Variants in CTNNBL1 observed in about 807,000 individuals in gnomAD.
CTNNBL1 encodes the protein beta-catenin-like protein 1.
CTNNBL1 carries 31 observed loss-of-function variants against 72.7 expected under a neutral mutation model. That is an observed-to-expected ratio of 0.43 (90% CI 0.32 to 0.58). The LOEUF (loss-of-function observed/expected upper bound fraction) is 0.58. Ranked by LOEUF, CTNNBL1 falls within the 20% of genes least tolerant of loss-of-function variation. The pLI, the probability that CTNNBL1 is intolerant of heterozygous loss-of-function variation, is 0.08. For missense variants in CTNNBL1, 534 were observed against 725.1 expected, an observed-to-expected ratio of 0.74 and a Z score of 3.03; for synonymous variants, 240 against 267.3, an observed-to-expected ratio of 0.90 and a Z score of 1.00.
At chr20:37,840,586 C>T (rs920546301) in intron 12 of CTNNBL1, among the ~76,000 whole-genome samples, 6 of 152,200 alleles carry the variant, frequency 3.9e-5, no homozygotes, top group African/African-American at 1.4e-4. Context: ...CTCTGAACCT[C>T]AGTTTCACCA....
chr20:37,728,282 T>A (rs965165843), intron 1 of CTNNBL1, among the ~76,000 whole-genome samples: 4 of 152,260 alleles, frequency 2.6e-5, no homozygotes, highest in Admixed American at 2.0e-4. Flanking sequence ...AATAATTTTT[T>A]AATATAGATT....
At chr20:37,739,709 A>T (rs1472700962) in intron 3 of CTNNBL1, among the ~76,000 whole-genome samples, 2 of 152,020 alleles carry the variant, frequency 1.3e-5, no homozygotes, top group Non-Finnish European at 2.9e-5. Context: ...TTTTGTTGTT[A>T]TTTCTGTACT....
At chr20:37,702,814 G>A (rs1432942198) in intron 1 of CTNNBL1, among the ~76,000 whole-genome samples, 2 of 152,188 alleles carry the variant, frequency 1.3e-5, no homozygotes, top group Non-Finnish European at 2.9e-5. Context: ...GCAAGGACCA[G>A]CACCTAGCAG....
chr20:37,841,771 A>G (rs907966934), intron 12 of CTNNBL1, among the ~76,000 whole-genome samples: 1 of 152,212 alleles, frequency 6.6e-6, no homozygotes, highest in Non-Finnish European at 1.5e-5. Flanking sequence ...TGCTCAACTT[A>G]AAACTGATTT....
At chr20:37,699,816 C>G (rs1309246371) in intron 1 of CTNNBL1, among the ~76,000 whole-genome samples, 1 of 152,166 alleles carries the variant, frequency 6.6e-6, no homozygotes, top group Non-Finnish European at 1.5e-5. Flanking sequence ...AAATGATCTC[C>G]CTTCCTTGAA....
chr20:37,770,796 T>G (rs919020040), intron 7 of CTNNBL1, among the ~76,000 whole-genome samples: 16 of 152,246 alleles, frequency 1.1e-4, no homozygotes, highest in South Asian at 2.1e-4. Flanking sequence ...ATTTGGGTTT[T>G]TTACTGGTAA....
At chr20:37,703,976 C>T (rs1456109586) in intron 1 of CTNNBL1, among the ~76,000 whole-genome samples, 3 of 151,864 alleles carry the variant, frequency 2.0e-5, no homozygotes, top group Non-Finnish European at 2.9e-5. Flanking sequence ...GGGGTTTCTC[C>T]GTGTTGGTCA....
intron 13 of CTNNBL1, chr20:37,847,715 G>A (rs979431060): frequency 1.3e-5 from 2 of 152,576 alleles, no homozygotes; most frequent in African/African-American, 4.8e-5. Context: ...GCCTTGGAGA[G>A]AGGTTTTCTC....
At chr20:37,697,744 T>A (rs1309980150) in intron 1 of CTNNBL1, among the ~76,000 whole-genome samples, 1 of 152,210 alleles carries the variant, frequency 6.6e-6, no homozygotes, top group African/African-American at 2.4e-5. Context: ...TATTATTTTT[T>A]AATGTTTACA....
intron 1 of CTNNBL1, among the ~76,000 whole-genome samples, chr20:37,717,608 TTCTTTTC>T (rs1240865383): frequency 6.6e-6 from 1 of 151,988 alleles, no homozygotes; most frequent in African/African-American, 2.4e-5. Flanking sequence ...AATTTCTTTT[TTCTTTTC>T]TTTTTTTTTT....
chr20:37,698,606 A>G (rs1437151027), intron 1 of CTNNBL1, among the ~76,000 whole-genome samples: 2 of 152,076 alleles, frequency 1.3e-5, no homozygotes, highest in Admixed American at 6.5e-5. Context: ...AACTCTGTAC[A>G]TTCCCCATGT....
chr20:37,807,107 A>G (rs144153834), intron 11 of CTNNBL1, among the ~76,000 whole-genome samples: 6 of 152,296 alleles, frequency 3.9e-5, no homozygotes, highest in African/African-American at 1.2e-4. Context: ...GTCGCAGTGC[A>G]GCCTGAGGTG....
At chr20:37,842,133 A>G in intron 12 of CTNNBL1, 1 of 510,590 alleles carries the variant, frequency 2.0e-6, no homozygotes, top group Non-Finnish European at 3.5e-6. Flanking sequence ...AACTGCATTC[A>G]TCCTAAGTGT....
intron 11 of CTNNBL1, among the ~76,000 whole-genome samples, chr20:37,813,420 C>G (rs1207387697): frequency 6.6e-6 from 1 of 152,190 alleles, no homozygotes; most frequent in Non-Finnish European, 1.5e-5. Flanking sequence ...TGCCAGAGGA[C>G]TCTTCCAAAG....
intron 1 of CTNNBL1, among the ~76,000 whole-genome samples, chr20:37,719,550 GAGC>G (rs2073022089): frequency 6.6e-6 from 1 of 152,186 alleles, no homozygotes; most frequent in Admixed American, 6.5e-5. Context: ...TCTTGGCATG[GAGC>G]TAGGTAGCTG....
intron 10 of CTNNBL1, among the ~76,000 whole-genome samples, chr20:37,790,450 A>G (rs2122712877): frequency 6.6e-6 from 1 of 152,330 alleles, no homozygotes; most frequent in South Asian, 2.1e-4. Flanking sequence ...GGGGCCGTAT[A>G]CAGGTTGTGT....
In CTNNBL1 at chr20:37,757,546, T is replaced by C. The variant is rs763745927; in HGVS notation, c.467-13T>C. 1 of 1,599,686 alleles carries C rather than the reference T, an allele frequency of 6.3e-7. No individual in the cohort carries two copies. Among genetic ancestry groups the C allele is most frequent in the Non-Finnish European group, 8.6e-7 (1 of 1,167,300 alleles). ...CGTTTCAGTATGTGTGTTATACCCT[T>C]AACATTTTTCACATGTGTCCATAGC... On this transcript the variant is annotated splice_polypyrimidine_tract_variant and intron_variant, in intron 4 of 15. Transcript: ENST00000361383.
At chr20:37,815,063 T>C (rs1349461612) in intron 11 of CTNNBL1, among the ~76,000 whole-genome samples, 1 of 133,138 alleles carries the variant, frequency 7.5e-6, no homozygotes, top group Non-Finnish European at 1.6e-5. Flanking sequence ...AACACTATGT[T>C]AGGGACTCTG....
intron 11 of CTNNBL1, among the ~76,000 whole-genome samples, chr20:37,824,429 C>T (rs990929974): frequency 2.0e-5 from 3 of 152,176 alleles, no homozygotes; most frequent in Admixed American, 6.5e-5. Context: ...TGAGTGTGAT[C>T]GTGCACTCAG....
Sources: allele counts gnomAD v4.1 joint callset (sites outside exome capture counted in the v4.1 genomes callset), GRCh38; gene constraint gnomAD v4.1.1; transcripts MANE v1.5; gene names NCBI Gene and HGNC (gene_info 2026-07-23, HGNC 2026-07-21).